The following ADGRV1 variants were observed in gnomAD, a reference collection of about 807,000 sequenced individuals.
The protein encoded by ADGRV1 is adhesion G protein-coupled receptor V1, also known as G-protein coupled receptor 98.
Under a neutral mutation model 596.2 loss-of-function variants are expected in ADGRV1, and 359 were observed. The ratio of observed to expected loss-of-function variants is 0.60; its 90% CI spans 0.55 to 0.66. The LOEUF is 0.66. ADGRV1 is among the 30% of genes least tolerant of loss of function. The probability of loss-of-function intolerance (pLI) is 0.00; values close to 1 mark genes in which losing one functional copy is unlikely to be tolerated. For missense variants in ADGRV1, 7,274 were observed against 7,575.6 expected, an observed-to-expected ratio of 0.96 and a Z score of 1.48; for synonymous variants, 2,681 against 2,679.2, an observed-to-expected ratio of 1.00 and a Z score of -0.02.
chr5:90,648,142 G>A (rs936180473), intron 17 of ADGRV1, among the ~76,000 whole-genome samples: 1 of 152,182 alleles, frequency 6.6e-6, no homozygotes. Context: ...TTGGAGCAGG[G>A]TGCTGGCACA....
In ADGRV1 at chr5:90,716,886, G is replaced by A. The variant is rs3927265; in HGVS notation, c.9447+157G>A. On this transcript the variant is annotated intron_variant, in intron 43 of 89. Coordinates refer to ENST00000405460, the MANE Select transcript of ADGRV1 (RefSeq NM_032119.4). ...ATTCATTTACTATGTGACAAGTGCT[G>A]TAGTTCTATTTACTCTGTATAAAGC... 0.69 allele frequency: 396,664 copies of A among 572,248 alleles called. 139,859 individuals carry two copies. Among genetic ancestry groups the A allele is most frequent in the African/African-American group, 0.87 (46,886 of 53,926 alleles). 35.4% of individuals were successfully genotyped at this position (572,248 alleles called of 1,614,324 possible). A position where few individuals can be genotyped will look rare whatever the true frequency, so the allele number is the denominator to read the frequency against.
chr5:90,917,284 T>C (rs1292542286), intron 83 of ADGRV1, among the ~76,000 whole-genome samples: 1 of 151,500 alleles, frequency 6.6e-6, no homozygotes, highest in Non-Finnish European at 1.5e-5. Context: ...TAGCTATGTT[T>C]ATAAATGGAG....
At chr5:90,951,250 G>A (rs1777040662) in intron 83 of ADGRV1, among the ~76,000 whole-genome samples, 3 of 152,172 alleles carry the variant, frequency 2.0e-5, no homozygotes, top group Admixed American at 2.0e-4. Context: ...CAATAAGAAT[G>A]CTTGTTTTCC....
chr5:91,095,490 T>C (rs935616091), intron 86 of ADGRV1, among the ~76,000 whole-genome samples: 2 of 152,214 alleles, frequency 1.3e-5, no homozygotes, highest in Non-Finnish European at 2.9e-5. Context: ...CTGTGAAATA[T>C]GTGCCTTATT....
chr5:91,086,612 T>C (rs1331594297), intron 86 of ADGRV1, among the ~76,000 whole-genome samples: 1 of 152,172 alleles, frequency 6.6e-6, no homozygotes, highest in Non-Finnish European at 1.5e-5. Context: ...TCCCACAATC[T>C]GTATATTTTT....
Position 90,759,483 on chromosome 5 carries a change from G to C in ADGRV1, c.12015G>C (p.Leu4005Phe). Residue 4005 changes from leucine to phenylalanine, a missense_variant, in exon 58 of 90, where the codon TTG (leucine) becomes TTC (phenylalanine). Leu to Phe is a conservative substitution (Grantham distance 22). Around this residue, in one of 5 missense-constraint regions of ADGRV1, gnomAD observed 3,643 missense variants for 3,809.2 expected, o/e 0.96. Coordinates refer to ENST00000405460, the MANE Select transcript of ADGRV1 (RefSeq NM_032119.4). ...TGACAGAGACGTTCAATATTTCCTT[G>C]ATCAGTGTTGCTGGAGGTGGCAGAC... ...FELTETFNIS[L>F]ISVAGGGRLG... 3.1e-6 allele frequency: 5 copies of C among 1,610,122 alleles called. No individual in the cohort carries two copies. The highest frequency in any genetic ancestry group is 1.1e-5 in the South Asian group (1 of 90,226).
At chr5:90,572,366 ATAAAATAAAATAAAG>A (rs1364078366) in intron 1 of ADGRV1, among the ~76,000 whole-genome samples, 1 of 152,188 alleles carries the variant, frequency 6.6e-6, no homozygotes, top group African/African-American at 2.4e-5. Flanking sequence ...TGTCAATAAT[ATAAAATAAAATAAAG>A]TAAAATAAAA....
intron 83 of ADGRV1, among the ~76,000 whole-genome samples, chr5:90,928,250 C>G (rs1774740435): frequency 1.3e-5 from 2 of 152,086 alleles, no homozygotes; most frequent in Admixed American, 1.3e-4. Flanking sequence ...TCCATTCTCC[C>G]CATCACTTTC....
rs1766161174 is a variant in ADGRV1, at chr5:90,848,685, C to T, written c.17068C>T (p.Leu5690Phe). 6.3e-7 allele frequency: 1 copy of T among 1,574,968 alleles called. No homozygotes were observed. Residue 5690 changes from leucine to phenylalanine, a missense_variant, in exon 79 of 90, where the codon CTT (leucine) becomes TTT (phenylalanine). Physicochemically the swap from Leu to Phe is conservative, Grantham distance 22 (BLOSUM62 0). Transcript: ENST00000405460. The stretch of plus-strand genomic sequence containing the variant: ...AGCTTTCAGTGTTGCCAGCCGAACT[C>T]TTTTCTATGAGATTCTTTGTTCTCT... ...IQAFSVASRT[L>F]FYEILCSLIN...
At chr5:90,692,491 A>C in intron 31 of ADGRV1, 114 bp from the exon 32 acceptor site, 1 of 752,364 alleles carries the variant, frequency 1.3e-6, no homozygotes, top group Non-Finnish European at 2.1e-6. Context: ...TTTATATTTC[A>C]TTCCATTTTG....
intron 83 of ADGRV1, among the ~76,000 whole-genome samples, chr5:90,946,122 T>C (rs1176404560): frequency 6.6e-6 from 1 of 152,050 alleles, no homozygotes; most frequent in Non-Finnish European, 1.5e-5. Flanking sequence ...AAGAACCACC[T>C]AGAAGGAGAA....
intron 83 of ADGRV1, among the ~76,000 whole-genome samples, chr5:90,868,031 A>G (rs774549518): frequency 1.3e-5 from 2 of 152,188 alleles, no homozygotes; most frequent in African/African-American, 2.4e-5. Flanking sequence ...TAAATGGATC[A>G]AGAAAGTAGC....
At chr5:90,751,852 T>G (rs541826556) in intron 53 of ADGRV1, among the ~76,000 whole-genome samples, 18 of 152,362 alleles carry the variant, frequency 1.2e-4, no homozygotes, top group African/African-American at 3.8e-4. Flanking sequence ...ATATTTACTT[T>G]AGGTAAGCTA....
At chr5:90,970,503 C>G (rs975658255) in intron 84 of ADGRV1, among the ~76,000 whole-genome samples, 1 of 151,064 alleles carries the variant, frequency 6.6e-6, no homozygotes, top group African/African-American at 2.4e-5. Flanking sequence ...CCTCACATGG[C>G]CGGGTACCCC....
intron 87 of ADGRV1, among the ~76,000 whole-genome samples, chr5:91,111,789 T>A (rs1333316702): frequency 1.3e-5 from 2 of 152,292 alleles, no homozygotes; most frequent in African/African-American, 4.8e-5. Flanking sequence ...ATCATTGATT[T>A]GTCCCAGAGC....
At chr5:91,070,135 A>G (rs1211327492) in intron 85 of ADGRV1, among the ~76,000 whole-genome samples, 1 of 152,218 alleles carries the variant, frequency 6.6e-6, no homozygotes, top group Admixed American at 6.5e-5. Context: ...GGCAAGGATA[A>G]CAAAACTAAC....
chr5:90,874,142 A>T (rs1247332101), intron 83 of ADGRV1, among the ~76,000 whole-genome samples: 1 of 152,038 alleles, frequency 6.6e-6, no homozygotes, highest in Non-Finnish European at 1.5e-5. Context: ...CCATTCTCTG[A>T]TCTCATCTTC....
At chr5:91,071,302 TCA>T (rs573632629) in intron 85 of ADGRV1, among the ~76,000 whole-genome samples, 49 of 152,284 alleles carry the variant, frequency 3.2e-4, no homozygotes, top group African/African-American at 1.1e-3. Flanking sequence ...GACTTTGTCA[TCA>T]GCCCCATGGC....
chr5:90,919,537 G>A (rs549147070), intron 83 of ADGRV1, among the ~76,000 whole-genome samples: 2 of 152,262 alleles, frequency 1.3e-5, no homozygotes, highest in South Asian at 2.1e-4. Flanking sequence ...AATTAAAGTT[G>A]TTCCTCAAAG....
Sources: allele counts gnomAD v4.1 joint callset (sites outside exome capture counted in the v4.1 genomes callset), GRCh38; gene constraint gnomAD v4.1.1; regional missense constraint gnomAD v4.1.1; transcripts MANE v1.5; gene names NCBI Gene and HGNC (gene_info 2026-07-23, HGNC 2026-07-21).